DIAPH3: variants seen among roughly 807,000 people sequenced by gnomAD.
DIAPH3 encodes the protein diaphanous related formin 3.
A neutral mutation model predicts 144.3 loss-of-function variants in DIAPH3; 117 were observed. The observed-to-expected ratio is 0.81, with a 90% CI of 0.70 to 0.95. The LOEUF is 0.95. Ranked by LOEUF, DIAPH3 falls within the 40% of genes least tolerant of loss-of-function variation. DIAPH3 has a pLI of 0.00. For synonymous variants in DIAPH3, 519 were observed against 488.9 expected, an observed-to-expected ratio of 1.06 and a Z score of -0.81; for missense variants, 1,421 against 1,412.7, an observed-to-expected ratio of 1.01 and a Z score of -0.09.
intron 25 of DIAPH3, among the ~76,000 whole-genome samples, chr13:59,782,421 A>C (rs1420923892): frequency 2.0e-5 from 3 of 152,166 alleles, no homozygotes; most frequent in African/African-American, 7.2e-5. Flanking sequence ...TATCAGAAGA[A>C]ATATCTAAGA....
At chr13:59,682,888 G>T (rs561261215) in intron 27 of DIAPH3, among the ~76,000 whole-genome samples, 44 of 152,248 alleles carry the variant, frequency 2.9e-4, no homozygotes, top group Non-Finnish European at 5.9e-4. Context: ...GTCTAGTGAT[G>T]ACCATAAACT....
chr13:59,668,430 T>C (rs957302541), intron 27 of DIAPH3, among the ~76,000 whole-genome samples: 2 of 152,230 alleles, frequency 1.3e-5, no homozygotes, highest in Non-Finnish European at 2.9e-5. Context: ...CAGTTTATTC[T>C]GCTATTGGAC....
At chr13:59,861,269 C>T (rs1238391343) in intron 22 of DIAPH3, 138 bp downstream of exon 22, 12 of 1,543,596 alleles carry the variant, frequency 7.8e-6, no homozygotes, top group African/African-American at 1.4e-5. Flanking sequence ...TCCTACAACT[C>T]TCTTTATTTT....
At chr13:59,999,662 C>T (rs1309087476) in intron 9 of DIAPH3, among the ~76,000 whole-genome samples, 1 of 152,140 alleles carries the variant, frequency 6.6e-6, no homozygotes, top group Non-Finnish European at 1.5e-5. Context: ...GGGACTTTGG[C>T]TCAAGGATTC....
intron 4 of DIAPH3, among the ~76,000 whole-genome samples, chr13:60,088,582 C>G (rs1006732377): frequency 2.0e-5 from 3 of 152,088 alleles, no homozygotes; most frequent in Admixed American, 2.0e-4. Flanking sequence ...TAGAAGACTC[C>G]TTCCTCTCAA....
intron 17 of DIAPH3, among the ~76,000 whole-genome samples, chr13:59,963,643 G>A (rs1457944905): frequency 6.6e-6 from 1 of 151,476 alleles, no homozygotes; most frequent in Non-Finnish European, 1.5e-5. Context: ...ATGGGGGGGA[G>A]GGGAAGGGGG....
intron 4 of DIAPH3, among the ~76,000 whole-genome samples, chr13:60,060,833 A>G (rs1167287833): frequency 2.0e-5 from 3 of 152,246 alleles, no homozygotes; most frequent in South Asian, 4.1e-4. Context: ...ATACAAAATT[A>G]TATCTAGTGA....
chr13:59,756,635 T>C (rs1329988894), intron 27 of DIAPH3, among the ~76,000 whole-genome samples: 1 of 152,110 alleles, frequency 6.6e-6, no homozygotes, highest in Non-Finnish European at 1.5e-5. Context: ...TGGCATCATG[T>C]AGACTAAGGT....
At chr13:59,788,676 G>C (rs543875998) in intron 25 of DIAPH3, among the ~76,000 whole-genome samples, 1 of 152,122 alleles carries the variant, frequency 6.6e-6, no homozygotes, top group African/African-American at 2.4e-5. Flanking sequence ...AGAATATTTT[G>C]TACTGTCAAA....
intron 27 of DIAPH3, among the ~76,000 whole-genome samples, chr13:59,711,835 T>C (rs944702197): frequency 2.6e-5 from 4 of 152,092 alleles, no homozygotes; most frequent in South Asian, 4.1e-4. Context: ...TAAAAAAAAA[T>C]TGTTGCACGA....
In DIAPH3 at chr13:60,162,805, T is replaced by TCA. The variant is rs1377370526; in HGVS notation, c.180+781_180+782insTG. On this transcript the variant is annotated intron_variant, in intron 1 of 27. Transcript: ENST00000400324. ...TGTACTCTCTCTCTCTCTCTCTCTCTCTCTCACACACACACACACACACAC... is the reference window on the plus strand; with the variant it reads ...TGTACTCTCTCTCTCTCTCTCTCTCTCACTCTCACACACACACACACACACAC... Among the ~76,000 whole-genome samples the TCA allele has an allele frequency of 2.7e-3, 363 of 136,492 alleles. 1 individual carries two copies. The highest frequency in any genetic ancestry group is 4.0e-3 in the African/African-American group (151 of 38,126). The allele number at this position is 136,492 out of a possible 152,430, so 89.5% of individuals were successfully genotyped here. A position where few individuals can be genotyped will look rare whatever the true frequency, so the allele number is the denominator to read the frequency against.
chr13:60,030,655 A>G (rs2054720655), intron 5 of DIAPH3, among the ~76,000 whole-genome samples: 1 of 152,174 alleles, frequency 6.6e-6, no homozygotes, highest in South Asian at 2.1e-4. Context: ...CAGTGGAGAG[A>G]GCAGCCACAC....
chr13:60,034,537 C>T (rs2055052438), intron 5 of DIAPH3: 1 of 152,186 alleles, frequency 6.6e-6, no homozygotes, highest in Non-Finnish European at 1.5e-5. Context: ...CACTACTGTT[C>T]AGCATGGGAG....
chr13:59,958,267 C>T (rs534490185), intron 17 of DIAPH3, among the ~76,000 whole-genome samples: 26 of 151,944 alleles, frequency 1.7e-4, no homozygotes, highest in Non-Finnish European at 3.1e-4. Context: ...ATTAGGTCTG[C>T]GTAACATTTG....
chr13:60,031,539 A>G (rs1252972068), intron 5 of DIAPH3, among the ~76,000 whole-genome samples: 1 of 152,142 alleles, frequency 6.6e-6, no homozygotes, highest in Non-Finnish European at 1.5e-5. Context: ...CAAAGTGCAA[A>G]GTCTCATCTG....
intron 24 of DIAPH3, among the ~76,000 whole-genome samples, chr13:59,824,461 C>T (rs938778770): frequency 5.9e-5 from 9 of 152,104 alleles, no homozygotes; most frequent in Non-Finnish European, 1.3e-4. Context: ...TGTCTTCCCA[C>T]TAGAACGGCA....
intron 17 of DIAPH3, among the ~76,000 whole-genome samples, chr13:59,946,646 G>C (rs190453409): frequency 6.6e-6 from 1 of 152,254 alleles, no homozygotes. Context: ...ACATGTTGCT[G>C]ATGAGTACTG....
chr13:59,779,669 G>A (rs1952859338), intron 25 of DIAPH3, among the ~76,000 whole-genome samples: 1 of 151,824 alleles, frequency 6.6e-6, no homozygotes, highest in Non-Finnish European at 1.5e-5. Context: ...GCCCCACCAT[G>A]CCCACCTAAT....
chr13:60,042,709 A>G lies in DIAPH3; in HGVS notation c.607T>C (p.Leu203=). 6.2e-7 allele frequency: 1 copy of G among 1,613,678 alleles called. No homozygotes were observed. The highest frequency in any genetic ancestry group is 8.5e-7 in the Non-Finnish European group (1 of 1,179,730). ...AATTACCTCACAGGATTGCTGGTCA[A>G]AGACACTCGGAGAGACTCCAGGCAT... is the stretch of plus-strand genomic sequence containing the variant. ...VTCLESLRVS[L]TSNPVSWVES... is the part of the protein sequence containing the mutation. The change falls in exon 5 of 28, where the codon TTG becomes CTG. Residue 203 remains leucine, a synonymous_variant. Transcript: ENST00000400324.
Sources: gnomAD v4.1 joint callset for allele counts (sites outside exome capture counted in the v4.1 genomes callset) on GRCh38, gnomAD v4.1.1 for gene constraint, MANE v1.5 for transcripts, NCBI Gene and HGNC (gene_info 2026-07-23, HGNC 2026-07-21) for gene names.